GALNTL6: variants seen among roughly 807,000 people sequenced by gnomAD.
GALNTL6 encodes the protein polypeptide N-acetylgalactosaminyltransferase like 6.
A neutral mutation model predicts 73.7 loss-of-function variants in GALNTL6; 46 were observed. The ratio of observed to expected loss-of-function variants is 0.62; its 90% CI spans 0.49 to 0.80. The LOEUF (loss-of-function observed/expected upper bound fraction) is 0.80. GALNTL6 is among the 30% of genes least tolerant of loss of function. The probability of loss-of-function intolerance (pLI) is 0.00; values close to 1 mark genes in which losing one functional copy is unlikely to be tolerated. For missense variants in GALNTL6, 604 were observed against 755.0 expected, an observed-to-expected ratio of 0.80 and a Z score of 2.34; for synonymous variants, 259 against 263.7, an observed-to-expected ratio of 0.98 and a Z score of 0.17.
rs191584818 is a variant in GALNTL6, at chr4:172,286,807, G to C, written c.248-24807G>C. The stretch of plus-strand genomic sequence containing the variant: ...TCATAACTGGGACTAGGAAAATGGC[G>C]AGCCAAAGAGCCAAAGAAGGAAAAT... On this transcript the variant is annotated intron_variant, in intron 3 of 12. Coordinates refer to ENST00000506823, the MANE Select transcript of GALNTL6 (RefSeq NM_001034845.3). 3.5e-3 allele frequency among the ~76,000 whole-genome samples: 538 copies of C among 152,246 alleles called. 1 individual carries two copies. Among genetic ancestry groups the C allele is most frequent in the African/African-American group, 0.012 (507 of 41,556 alleles).
At chr4:172,295,534 T>TTTTTTTTTTTTTTTTTTTTTTAG in intron 3 of GALNTL6, among the ~76,000 whole-genome samples, 1 of 1,994 alleles carries the variant, frequency 5.0e-4, no homozygotes, top group African/African-American at 7.9e-4. Context: ...TTTTTAGGTT[T>TTTTTTTTTTTTTTTTTTTTTTAG]TTTTTTTTTT....
At chr4:172,721,187 A>G (rs1735452239) in intron 5 of GALNTL6, among the ~76,000 whole-genome samples, 2 of 152,232 alleles carry the variant, frequency 1.3e-5, no homozygotes, top group Admixed American at 1.3e-4. Context: ...ATTAGTCAAT[A>G]ATAACATTTG....
At chr4:172,453,330 G>A (rs1433219651) in intron 5 of GALNTL6, among the ~76,000 whole-genome samples, 2 of 152,158 alleles carry the variant, frequency 1.3e-5, no homozygotes, top group Non-Finnish European at 2.9e-5. Flanking sequence ...CTAATAAGAA[G>A]ACAGAGAATT....
intron 2 of GALNTL6, among the ~76,000 whole-genome samples, chr4:171,854,485 C>T (rs780978638): frequency 2.8e-4 from 42 of 152,226 alleles, no homozygotes; most frequent in Non-Finnish European, 1.0e-4. Flanking sequence ...ACTCCTGCCA[C>T]AGTTGACTTC....
intron 5 of GALNTL6, among the ~76,000 whole-genome samples, chr4:172,502,757 T>C (rs556595264): frequency 6.6e-6 from 1 of 152,252 alleles, no homozygotes; most frequent in Admixed American, 6.5e-5. Context: ...CAACATCATG[T>C]GGGGTAGATT....
chr4:171,826,139 A>C (rs1196378560), intron 2 of GALNTL6, among the ~76,000 whole-genome samples: 1 of 152,166 alleles, frequency 6.6e-6, no homozygotes, highest in Non-Finnish European at 1.5e-5. Context: ...TCGTTTTTGG[A>C]AACTGCTTTT....
chr4:171,976,463 C>T (rs933432053), intron 2 of GALNTL6, among the ~76,000 whole-genome samples: 1 of 152,112 alleles, frequency 6.6e-6, no homozygotes, highest in African/African-American at 2.4e-5. Flanking sequence ...TAATAATTTC[C>T]ATGTATAAAC....
intron 5 of GALNTL6, among the ~76,000 whole-genome samples, chr4:172,633,557 G>A (rs28861683): frequency 0.36 from 54,205 of 152,032 alleles, 10,574 homozygotes; most frequent in African/African-American, 0.49. Flanking sequence ...TTATAGGTGG[G>A]AGGGACTTGC....
At chr4:172,687,878 G>A (rs978430681) in intron 5 of GALNTL6, among the ~76,000 whole-genome samples, 2 of 152,058 alleles carry the variant, frequency 1.3e-5, no homozygotes, top group Non-Finnish European at 2.9e-5. Context: ...TTCTTTAAAA[G>A]CAAAATGTAT....
At chr4:172,139,840 T>TA (rs1476074287) in intron 2 of GALNTL6, among the ~76,000 whole-genome samples, 3 of 152,172 alleles carry the variant, frequency 2.0e-5, no homozygotes, top group Non-Finnish European at 4.4e-5. Context: ...ACCTAATTTT[T>TA]AAAGCCACTT....
chr4:172,911,531 T>C (rs112337286), intron 8 of GALNTL6, among the ~76,000 whole-genome samples: 145 of 152,314 alleles, frequency 9.5e-4, no homozygotes, highest in African/African-American at 3.3e-3. Context: ...ATTGTTCCTA[T>C]GGAATTTTTT....
At chr4:171,964,812 A>G (rs1158682065) in intron 2 of GALNTL6, among the ~76,000 whole-genome samples, 2 of 152,168 alleles carry the variant, frequency 1.3e-5, no homozygotes, top group African/African-American at 2.4e-5. Context: ...ACCTTGGACA[A>G]GCAAAGCTTC....
At chr4:172,215,116 C>A (rs1736454759) in intron 2 of GALNTL6, among the ~76,000 whole-genome samples, 1 of 151,892 alleles carries the variant, frequency 6.6e-6, no homozygotes, top group Non-Finnish European at 1.5e-5. Context: ...TCCTTTATAA[C>A]CCGAGAAAAT....
intron 2 of GALNTL6, among the ~76,000 whole-genome samples, chr4:172,128,024 G>T (rs984956663): frequency 2.0e-5 from 3 of 152,070 alleles, no homozygotes; most frequent in African/African-American, 7.2e-5. Flanking sequence ...AGAATCGCTT[G>T]AACTTGGGGG....
chr4:172,474,772 T>A (rs1173707584), intron 5 of GALNTL6, among the ~76,000 whole-genome samples: 1 of 152,214 alleles, frequency 6.6e-6, no homozygotes, highest in Non-Finnish European at 1.5e-5. Flanking sequence ...TTGGAATGAA[T>A]GAAAGTTTTT....
intron 7 of GALNTL6, among the ~76,000 whole-genome samples, chr4:172,814,912 C>T (rs1741514890): frequency 6.6e-6 from 1 of 152,110 alleles, no homozygotes; most frequent in Non-Finnish European, 1.5e-5. Context: ...GGAGTTCAGC[C>T]TCTTTTGACG....
intron 10 of GALNTL6, among the ~76,000 whole-genome samples, chr4:173,000,455 G>T (rs1387841875): frequency 6.6e-6 from 1 of 152,120 alleles, no homozygotes; most frequent in African/African-American, 2.4e-5. Context: ...ATTTAAAAAC[G>T]TGTTATTGTT....
At chr4:172,924,203 T>G (rs1561036404) in intron 8 of GALNTL6, among the ~76,000 whole-genome samples, 1 of 152,202 alleles carries the variant, frequency 6.6e-6, no homozygotes, top group Non-Finnish European at 1.5e-5. Context: ...CTGCCTCATC[T>G]TTCACAATGT....
At chr4:172,986,521 G>A (rs1302752501) in intron 10 of GALNTL6, among the ~76,000 whole-genome samples, 1 of 152,152 alleles carries the variant, frequency 6.6e-6, no homozygotes, top group African/African-American at 2.4e-5. Flanking sequence ...TTTGGGTCAG[G>A]TTGTTAGAAA....
Sources: gnomAD v4.1 joint callset for allele counts (sites outside exome capture counted in the v4.1 genomes callset) on GRCh38, gnomAD v4.1.1 for gene constraint, MANE v1.5 for transcripts, NCBI Gene and HGNC (gene_info 2026-07-23, HGNC 2026-07-21) for gene names.